ADAMTSL3: variants seen among roughly 807,000 people sequenced by gnomAD.
ADAMTSL3 encodes ADAMTS like 3.
Under a neutral mutation model 201.7 loss-of-function variants are expected in ADAMTSL3, and 128 were observed. The ratio of observed to expected loss-of-function variants is 0.63; its 90% CI spans 0.55 to 0.73. The LOEUF is 0.73. Among genes scored for constraint, ADAMTSL3 ranks in the 30% least tolerant of loss-of-function variants. The pLI is 0.00. For missense variants in ADAMTSL3, 1,990 were observed against 2,119.6 expected, an observed-to-expected ratio of 0.94 and a Z score of 1.20; for synonymous variants, 738 against 748.4, an observed-to-expected ratio of 0.99 and a Z score of 0.23.
At chr15:83,773,737 T>C in intron 4 of ADAMTSL3, 87 bp downstream of exon 4, 1 of 1,454,768 alleles carries the variant, frequency 6.9e-7, no homozygotes, top group Non-Finnish European at 9.2e-7. Context: ...TATATGGCTT[T>C]GGAATGTACT....
rs566605347 is a variant in ADAMTSL3, at chr15:83,942,640, T to G, written c.2162T>G (p.Val721Gly). Residue 721 changes from valine (V) to glycine (G), a missense_variant, in exon 18 of 30, where the codon GTT (valine) becomes GGT (glycine). By Grantham distance (109) the Val-to-Gly change is moderately radical. Transcript: ENST00000286744. ...SWGPCSATCG[V>G]GIQTRDVYCL... ...GGGCCCTGCTCAGCTACCTGTGGAG[T>G]TGGAATTCAGACCCGAGATGTGTAC... 1.9e-6 allele frequency: 3 copies of G among 1,613,806 alleles called. No homozygotes were observed. The highest frequency in any genetic ancestry group is 2.2e-5 in the East Asian group (1 of 44,854).
chr15:83,738,283 A>G (rs1384722682), intron 3 of ADAMTSL3, among the ~76,000 whole-genome samples: 2 of 152,222 alleles, frequency 1.3e-5, no homozygotes, highest in Non-Finnish European at 2.9e-5. Context: ...TTTCTCACCC[A>G]CTTTCCCCAA....
At chr15:83,861,542 A>T (rs888409032) in intron 8 of ADAMTSL3, 1 of 161,740 alleles carries the variant, frequency 6.2e-6, no homozygotes, top group Non-Finnish European at 1.3e-5. Context: ...GCAAACTCCA[A>T]CAGACCTGCA....
chr15:83,887,278 G>A (rs1030080794), intron 10 of ADAMTSL3, among the ~76,000 whole-genome samples: 5 of 152,082 alleles, frequency 3.3e-5, no homozygotes, highest in African/African-American at 1.2e-4. Context: ...TTCCTGCACT[G>A]TTATTTACTA....
At chr15:83,679,857 G>A (rs2061454159) in intron 2 of ADAMTSL3, among the ~76,000 whole-genome samples, 1 of 152,172 alleles carries the variant, frequency 6.6e-6, no homozygotes. Context: ...ATATTGTCCA[G>A]CAGTGGTTAA....
chr15:83,704,352 G>T (rs754086385), intron 2 of ADAMTSL3, 37 bp from the exon 3 acceptor site: 12 of 1,613,920 alleles, frequency 7.4e-6, no homozygotes, highest in Non-Finnish European at 9.3e-6. Context: ...GGTCCTTACT[G>T]GAGCCTTATT....
At chr15:83,907,286 C>T (rs889903702) in intron 15 of ADAMTSL3, among the ~76,000 whole-genome samples, 1 of 152,058 alleles carries the variant, frequency 6.6e-6, no homozygotes, top group Admixed American at 6.6e-5. Flanking sequence ...ACTATAATTT[C>T]ATTTTTTTAA....
At chr15:83,805,213 T>C (rs975794733) in intron 5 of ADAMTSL3, among the ~76,000 whole-genome samples, 3 of 152,226 alleles carry the variant, frequency 2.0e-5, no homozygotes, top group African/African-American at 4.8e-5. Context: ...CCTACCCTTA[T>C]TTTACATCAG....
intron 9 of ADAMTSL3, among the ~76,000 whole-genome samples, chr15:83,877,985 A>G (rs575311043): frequency 2.0e-5 from 3 of 152,292 alleles, no homozygotes; most frequent in Admixed American, 1.3e-4. Flanking sequence ...TACGTACGCA[A>G]TTGTGACATC....
At chr15:83,995,141 A>G (rs2067664802) in intron 23 of ADAMTSL3, among the ~76,000 whole-genome samples, 1 of 152,164 alleles carries the variant, frequency 6.6e-6, no homozygotes, top group Admixed American at 6.5e-5. Context: ...TGGAAGGGGC[A>G]TATGTGCTCT....
intron 3 of ADAMTSL3, among the ~76,000 whole-genome samples, chr15:83,722,921 GTAAA>G (rs1199144313): frequency 3.9e-5 from 6 of 152,008 alleles, no homozygotes; most frequent in African/African-American, 1.4e-4. Context: ...TACCATGAAA[GTAAA>G]TACTTCCAAA....
At chr15:83,674,766 C>CATACATATATAT (rs760271207) in intron 2 of ADAMTSL3, among the ~76,000 whole-genome samples, 13 of 68,934 alleles carry the variant, frequency 1.9e-4, no homozygotes, top group Non-Finnish European at 2.3e-4. Context: ...CACATATATA[C>CATACATATATAT]ATATATATAT....
At chr15:83,815,765 G>A (rs2063762125) in intron 5 of ADAMTSL3, among the ~76,000 whole-genome samples, 1 of 152,238 alleles carries the variant, frequency 6.6e-6, no homozygotes, top group Non-Finnish European at 1.5e-5. Context: ...TTGAGAATCA[G>A]TCTTGGCTTT....
chr15:83,735,626 A>C (rs570443367), intron 3 of ADAMTSL3, among the ~76,000 whole-genome samples: 14 of 150,830 alleles, frequency 9.3e-5, no homozygotes, highest in African/African-American at 3.4e-4. Context: ...AAAGCATACA[A>C]TTTTTTTGCT....
At chr15:84,017,550 G>A (rs992445205) in intron 25 of ADAMTSL3, among the ~76,000 whole-genome samples, 4 of 152,108 alleles carry the variant, frequency 2.6e-5, no homozygotes, top group African/African-American at 7.2e-5. Flanking sequence ...TAACTCTACC[G>A]GTAGAGATTT....
chr15:83,826,152 C>T (rs967895781), intron 6 of ADAMTSL3, among the ~76,000 whole-genome samples: 4 of 152,034 alleles, frequency 2.6e-5, no homozygotes, highest in African/African-American at 7.3e-5. Context: ...GTTGTCCAGG[C>T]TGGAGTGTAA....
chr15:83,869,343 A>T (rs2065038750), intron 8 of ADAMTSL3, among the ~76,000 whole-genome samples: 1 of 152,156 alleles, frequency 6.6e-6, no homozygotes, highest in Non-Finnish European at 1.5e-5. Context: ...GGAACTAGGA[A>T]ATGAATTTAA....
intron 3 of ADAMTSL3, among the ~76,000 whole-genome samples, chr15:83,713,365 T>G (rs2061957974): frequency 1.3e-5 from 2 of 152,220 alleles, no homozygotes; most frequent in South Asian, 4.1e-4. Context: ...GTGCCAGATT[T>G]CTGTTCTGTT....
rs565613330 is a variant in ADAMTSL3, at chr15:84,021,548, C to A, written c.4412C>A (p.Pro1471Gln). 67 of 1,614,174 alleles carry A rather than the reference C, an allele frequency of 4.2e-5. No individual in the cohort carries two copies. In the South Asian group the frequency reaches 5.6e-4, roughly 13 times the overall value. The change falls in exon 26 of 30, where the codon CCA (proline) becomes CAA (glutamine). Residue 1471 changes from proline (P) to glutamine (Q), a missense_variant. Pro to Gln is a moderately conservative substitution (Grantham distance 76). Transcript: ENST00000286744. ...SEALCDHLQK[P>Q]LAGFEPCNIR... is the part of the protein sequence containing the mutation. ...GCCCTGTGTGATCACCTCCAGAAGCCACTGGCTGGGTTTGAGCCCTGTAAC... is the reference window on the plus strand; with the variant it reads ...GCCCTGTGTGATCACCTCCAGAAGCAACTGGCTGGGTTTGAGCCCTGTAAC...
Sources: allele counts gnomAD v4.1 joint callset (sites outside exome capture counted in the v4.1 genomes callset), GRCh38; gene constraint gnomAD v4.1.1; transcripts MANE v1.5; gene names NCBI Gene and HGNC (gene_info 2026-07-23, HGNC 2026-07-21).